The following POFUT3 variants were observed in gnomAD, a reference collection of about 807,000 sequenced individuals.
The protein encoded by POFUT3 is GDP-fucose protein O-fucosyltransferase 3.
the POFUT3 span, among the ~76,000 whole-genome samples, chr8:33,408,142 A>AGCAAGACTCTATCTTT: frequency 7.4e-6 from 1 of 135,172 alleles, no homozygotes; most frequent in Non-Finnish European, 1.6e-5. Flanking sequence ...TGGGCAATAT[A>AGCAAGACTCTATCTTT]GCAAGACTCT....
chr8:33,390,937 T>A, the POFUT3 span, among the ~76,000 whole-genome samples: 3 of 152,182 alleles, frequency 2.0e-5, no homozygotes, highest in Non-Finnish European at 2.9e-5. Context: ...TTTCAATAAC[T>A]GAGAAAGAAG....
chr8:33,337,642 C>A, the POFUT3 span, among the ~76,000 whole-genome samples: 44,975 of 151,610 alleles, frequency 0.3, 7,437 homozygotes, highest in South Asian at 0.5. Context: ...TTACAGAAAC[C>A]AAAGGAATGT....
At chr8:33,334,878 G>A in the POFUT3 span, among the ~76,000 whole-genome samples, 2 of 152,168 alleles carry the variant, frequency 1.3e-5, no homozygotes, top group Non-Finnish European at 2.9e-5. Context: ...GGAGGCATAA[G>A]GTGAGACGCC....
At chr8:33,372,662 T>G in the POFUT3 span, 1 of 1,614,032 alleles carries the variant, frequency 6.2e-7, no homozygotes. Context: ...CTGGGCTTCT[T>G]TCTTGGATTG....
the POFUT3 span, among the ~76,000 whole-genome samples, chr8:33,469,482 C>A: frequency 2.6e-5 from 4 of 152,040 alleles, no homozygotes; most frequent in Non-Finnish European, 5.9e-5. Flanking sequence ...TCAGGAGAGA[C>A]CAGTAGAGGA....
At chr8:33,432,380 C>A in the POFUT3 span, among the ~76,000 whole-genome samples, 1 of 149,444 alleles carries the variant, frequency 6.7e-6, no homozygotes. Context: ...GCACTCCAAC[C>A]TGGGCAATAA....
At chr8:33,435,991 G>A in the POFUT3 span, among the ~76,000 whole-genome samples, 5 of 152,044 alleles carry the variant, frequency 3.3e-5, no homozygotes, top group African/African-American at 4.8e-5. Flanking sequence ...AGCTGCAGGA[G>A]GCAGGGAGGA....
the POFUT3 span, among the ~76,000 whole-genome samples, chr8:33,328,777 T>C: frequency 6.6e-6 from 1 of 152,158 alleles, no homozygotes; most frequent in Non-Finnish European, 1.5e-5. Context: ...TGGTTGGCCA[T>C]TGTTTAACCA....
the POFUT3 span, chr8:33,455,727 T>G: frequency 9.9e-4 from 437 of 441,022 alleles, 1 homozygote; most frequent in African/African-American, 7.5e-3. Flanking sequence ...GGCCATTCCC[T>G]GTGCAGCCCT....
chr8:33,444,943 T>C, the POFUT3 span, among the ~76,000 whole-genome samples: 1 of 148,630 alleles, frequency 6.7e-6, no homozygotes. Flanking sequence ...CTTTTTTTTT[T>C]TTTTTTTTGA....
the POFUT3 span, among the ~76,000 whole-genome samples, chr8:33,328,124 G>C: frequency 6.6e-6 from 1 of 152,126 alleles, no homozygotes; most frequent in African/African-American, 2.4e-5. Context: ...ATCCAAAGCT[G>C]ATTAAATTCA....
the POFUT3 span, chr8:33,436,385 G>A: frequency 5.7e-6 from 8 of 1,398,234 alleles, no homozygotes; most frequent in African/African-American, 2.8e-5. Context: ...CACATTCAAC[G>A]ACCGTCTGGA....
At chr8:33,405,624 C>T in the POFUT3 span, among the ~76,000 whole-genome samples, 45,978 of 152,016 alleles carry the variant, frequency 0.3, 7,058 homozygotes, top group South Asian at 0.44. Flanking sequence ...CAGGTAATTT[C>T]TTGATTATTC....
the POFUT3 span, among the ~76,000 whole-genome samples, chr8:33,450,143 G>A: frequency 6.6e-6 from 1 of 152,052 alleles, no homozygotes; most frequent in Non-Finnish European, 1.5e-5. Context: ...GTTTCACCAT[G>A]TTGGCCAGGC....
the POFUT3 span, among the ~76,000 whole-genome samples, chr8:33,432,149 C>A: frequency 6.6e-6 from 1 of 152,066 alleles, no homozygotes; most frequent in Non-Finnish European, 1.5e-5. Context: ...GTGGCTCACG[C>A]CTGTAATCCC....
chr8:33,405,772 C>T, the POFUT3 span, among the ~76,000 whole-genome samples: 1 of 152,154 alleles, frequency 6.6e-6, no homozygotes, highest in Non-Finnish European at 1.5e-5. Flanking sequence ...AATCAACAAG[C>T]CAAGTGTCCT....
chr8:33,471,897 C>G, the POFUT3 span, among the ~76,000 whole-genome samples: 1 of 152,282 alleles, frequency 6.6e-6, no homozygotes. Context: ...ACCCAATCGC[C>G]TCTGGCTTCT....
At chr8:33,442,341 G>A in the POFUT3 span, among the ~76,000 whole-genome samples, 1 of 150,300 alleles carries the variant, frequency 6.7e-6, no homozygotes, top group African/African-American at 2.5e-5. Flanking sequence ...AGGCTGGAGT[G>A]CAGTGGTGCG....
chr8:33,422,102 A>G, the POFUT3 span, among the ~76,000 whole-genome samples: 1 of 151,944 alleles, frequency 6.6e-6, no homozygotes, highest in Non-Finnish European at 1.5e-5. Context: ...AGAAGAATGT[A>G]TTTTCTTCCT....
Sources: gnomAD v4.1 joint callset for allele counts (sites outside exome capture counted in the v4.1 genomes callset) on GRCh38, gnomAD v4.1.1 for gene constraint, MANE v1.5 for transcripts, NCBI Gene and HGNC (gene_info 2026-07-23, HGNC 2026-07-21) for gene names.